MYO7A: variants seen among roughly 807,000 people sequenced by gnomAD.
MYO7A encodes myosin VIIA, also known as unconventional myosin-VIIa.
MYO7A carries 210 observed loss-of-function variants against 263.8 expected under a neutral mutation model. That is an observed-to-expected ratio of 0.80 (90% CI 0.71 to 0.89). The LOEUF (loss-of-function observed/expected upper bound fraction) is 0.89, where lower values mean the gene tolerates loss of function less well. Among genes scored for constraint, MYO7A ranks in the 40% least tolerant of loss-of-function variants. The pLI, the probability that MYO7A is intolerant of heterozygous loss-of-function variation, is 0.00. For missense variants in MYO7A, 2,820 were observed against 2,968.3 expected, an observed-to-expected ratio of 0.95 and a Z score of 1.16; for synonymous variants, 1,239 against 1,197.3, an observed-to-expected ratio of 1.03 and a Z score of -0.72.
At chr11:77,208,148 C>T (rs1444978558) in intron 42 of MYO7A, among the ~76,000 whole-genome samples, 1 of 152,188 alleles carries the variant, frequency 6.6e-6, no homozygotes. Flanking sequence ...ATGTCCAAGC[C>T]AGGGGCTGGG....
At chr11:77,210,454 A>ATG (rs1368917497) in intron 44 of MYO7A, among the ~76,000 whole-genome samples, 1 of 152,044 alleles carries the variant, frequency 6.6e-6, no homozygotes, top group Non-Finnish European at 1.5e-5. Flanking sequence ...ATGGAGGTAG[A>ATG]TGTGTAGGTA....
chr11:77,159,410 CTCCCT>C, intron 9 of MYO7A, 32 bp from the exon 10 acceptor site: 1 of 1,180,796 alleles, frequency 8.5e-7, no homozygotes, highest in Non-Finnish European at 1.3e-6. Flanking sequence ...GTTGCCCACC[CTCCCT>C]CCCCTGATGC....
In MYO7A at chr11:77,204,128, C is replaced by A. The variant is rs546027035; in HGVS notation, c.5379C>A (p.Asn1793Lys). The A allele has an allele frequency of 6.3e-7, 1 of 1,599,416 alleles. No homozygotes were observed. Among genetic ancestry groups the A allele is most frequent in the Non-Finnish European group, 8.5e-7 (1 of 1,173,328 alleles). ...DYPSKRTRSV[N>K]ELTDQIFEGP... ...CGTCCAAGAGGACACGCTCCGTCAA[C>A]GAGCTCACCGACCAGATCTTTGAGG... The change falls in exon 39 of 49, where the codon AAC (asparagine) becomes AAA (lysine). Residue 1793 changes from asparagine to lysine, a missense_variant. Coordinates refer to ENST00000409709, the MANE Select transcript of MYO7A (RefSeq NM_000260.4).
At chr11:77,205,192 A>G (rs924687927) in intron 39 of MYO7A, among the ~76,000 whole-genome samples, 4 of 152,232 alleles carry the variant, frequency 2.6e-5, no homozygotes, top group Admixed American at 2.0e-4. Context: ...TCATTGTGGC[A>G]TAAGCCCCTT....
At chr11:77,177,756 T>C in intron 19 of MYO7A, 113 bp downstream of exon 19, 1 of 805,384 alleles carries the variant, frequency 1.2e-6, no homozygotes, top group Non-Finnish European at 2.0e-6. Context: ...CGTGTTCACC[T>C]ATGAAACAAG....
At chr11:77,166,578 C>T (rs1953571350) in intron 15 of MYO7A, among the ~76,000 whole-genome samples, 1 of 152,202 alleles carries the variant, frequency 6.6e-6, no homozygotes, top group African/African-American at 2.4e-5. Flanking sequence ...CAGACCCCAT[C>T]AGACAGTGGG....
At chr11:77,175,327 C>A (rs1954536699) in intron 17 of MYO7A, 45 bp from the exon 18 acceptor site, 1 of 1,579,782 alleles carries the variant, frequency 6.3e-7, no homozygotes, top group Non-Finnish European at 8.7e-7. Flanking sequence ...GGCCTTCCCA[C>A]TGGAGAGGCT....
At chr11:77,194,561 G>A (rs1228301188) in intron 32 of MYO7A, 37 bp downstream of exon 32, 1 of 1,539,206 alleles carries the variant, frequency 6.5e-7, no homozygotes, top group Non-Finnish European at 8.8e-7. Context: ...GAAGGGATGT[G>A]GACCTGAACA....
intron 3 of MYO7A, among the ~76,000 whole-genome samples, chr11:77,147,567 C>G (rs1479588121): frequency 2.6e-5 from 4 of 152,182 alleles, no homozygotes; most frequent in Admixed American, 2.0e-4. Flanking sequence ...CTGCCCACCT[C>G]TTAGGTCTGC....
chr11:77,145,326 A>G (rs1338347194), intron 3 of MYO7A, among the ~76,000 whole-genome samples: 1 of 151,968 alleles, frequency 6.6e-6, no homozygotes, highest in Non-Finnish European at 1.5e-5. Flanking sequence ...TCCTCCCAAA[A>G]CCCCTGGGAA....
chr11:77,155,896 G>C lies in MYO7A; in HGVS notation c.286-11G>C, dbSNP rs1555061342. The C allele has an allele frequency of 6.3e-7, 1 of 1,575,034 alleles. No individual in the cohort carries two copies. The highest frequency in any genetic ancestry group is 1.2e-5 in the South Asian group (1 of 85,466). On this transcript the variant is annotated splice_polypyrimidine_tract_variant and intron_variant, in intron 4 of 48. Coordinates refer to ENST00000409709, the MANE Select transcript of MYO7A (RefSeq NM_000260.4). ...GGAATCAGCGAGCTCCCCATCTCTT[G>C]CTGCCCGCAGACGTATACGGGCTCC...
At chr11:77,182,999 C>A in intron 25 of MYO7A, 69 bp from the exon 26 acceptor site, 1 of 1,339,936 alleles carries the variant, frequency 7.5e-7, no homozygotes. Flanking sequence ...CCCGCAAAGT[C>A]TTGCTGTCGG....
chr11:77,166,809 T>C (rs966832874), intron 15 of MYO7A, among the ~76,000 whole-genome samples: 2 of 152,190 alleles, frequency 1.3e-5, no homozygotes, highest in African/African-American at 4.8e-5. Flanking sequence ...TCACAGAGCT[T>C]CCAGGACCCC....
intron 2 of MYO7A, among the ~76,000 whole-genome samples, chr11:77,136,279 G>A (rs1027551789): frequency 4.6e-5 from 7 of 152,096 alleles, no homozygotes; most frequent in African/African-American, 7.2e-5. Flanking sequence ...CTAACGATTC[G>A]TTGTATAGAA....
intron 19 of MYO7A, among the ~76,000 whole-genome samples, chr11:77,178,483 T>C (rs1555081731): frequency 6.9e-6 from 1 of 145,634 alleles, no homozygotes; most frequent in Non-Finnish European, 1.5e-5. Flanking sequence ...CATTGACTTA[T>C]TGGCTCACTT....
At position 77,205,550 on chromosome 11, in the gene MYO7A, T is replaced by C; in HGVS notation, c.5569T>C (p.Phe1857Leu). The change falls in exon 40 of 49, where the codon TTC becomes CTC. Residue 1857 changes from phenylalanine (F) to leucine (L), a missense_variant. Coordinates refer to ENST00000409709, the MANE Select transcript of MYO7A (RefSeq NM_000260.4). ...SNILLPHVQR[F>L]LQSRKHCPLA... ...CATCCTCCTGCCCCACGTGCAGCGC[T>C]TCCTGCAGTCCCGAAAGCACTGCCC... 6.2e-7 allele frequency: 1 copy of C among 1,612,228 alleles called. No individual in the cohort carries two copies. Among genetic ancestry groups the C allele is most frequent in the Non-Finnish European group, 8.5e-7 (1 of 1,179,376 alleles).
At chr11:77,209,947 G>T (rs1004087528) in intron 44 of MYO7A, among the ~76,000 whole-genome samples, 2 of 152,148 alleles carry the variant, frequency 1.3e-5, no homozygotes, top group African/African-American at 4.8e-5. Flanking sequence ...CAGCTCAGCT[G>T]GATTGTTTCC....
At chr11:77,148,058 G>T in intron 4 of MYO7A, 108 bp downstream of exon 4, 1 of 1,040,852 alleles carries the variant, frequency 9.6e-7, no homozygotes, top group Admixed American at 3.3e-5. Flanking sequence ...CCGGGGCCCT[G>T]CCTCCTGAGA....
chr11:77,186,979 G>A (rs1955692387), intron 27 of MYO7A, among the ~76,000 whole-genome samples: 2 of 152,096 alleles, frequency 1.3e-5, no homozygotes, highest in Admixed American at 6.6e-5. Context: ...TTATTAATTG[G>A]CCTAATTTCA....
Sources: gnomAD v4.1 joint callset for allele counts (sites outside exome capture counted in the v4.1 genomes callset) on GRCh38, gnomAD v4.1.1 for gene constraint, MANE v1.5 for transcripts, NCBI Gene and HGNC (gene_info 2026-07-23, HGNC 2026-07-21) for gene names.